The following RASAL2 variants were observed in gnomAD, a reference collection of about 807,000 sequenced individuals.
The protein encoded by RASAL2 is ras GTPase-activating protein nGAP.
Under a neutral mutation model 128.9 loss-of-function variants are expected in RASAL2, and 58 were observed. The observed-to-expected ratio is 0.45, with a 90% CI of 0.36 to 0.56. The LOEUF (loss-of-function observed/expected upper bound fraction) is 0.56, where lower values mean the gene tolerates loss of function less well. RASAL2 is among the 20% of genes least tolerant of loss of function. The probability of loss-of-function intolerance (pLI) is 0.00; values close to 1 mark genes in which losing one functional copy is unlikely to be tolerated. For missense variants in RASAL2, 1,360 were observed against 1,601.6 expected (o/e 0.85, Z 2.57); for synonymous variants, 561 against 580.8 (o/e 0.97, Z 0.49).
intron 1 of RASAL2, among the ~76,000 whole-genome samples, chr1:178,279,696 G>A (rs1666690800): frequency 6.6e-6 from 1 of 151,986 alleles, no homozygotes; most frequent in African/African-American, 2.4e-5. Context: ...TCTGAAAAAA[G>A]GAAGACATAA....
In RASAL2 at chr1:178,168,382, C is replaced by T. The variant is rs183290085; in HGVS notation, c.202+73688C>T. Among the ~76,000 whole-genome samples, 67 of 151,376 alleles carry T rather than the reference C, an allele frequency of 4.4e-4. 1 individual carries two copies. The East Asian group carries it at 0.013, about 29-fold the overall frequency. On this transcript the variant is annotated intron_variant, in intron 1 of 17. Transcript: ENST00000367649. ...CATATCCCCAAGAAGAAAAGTTTAT[C>T]AGAAATATTACTACTATAAATCTTT...
At chr1:178,258,884 A>G (rs977401485) in intron 1 of RASAL2, among the ~76,000 whole-genome samples, 3 of 152,196 alleles carry the variant, frequency 2.0e-5, no homozygotes, top group African/African-American at 7.2e-5. Flanking sequence ...TGAATGTATA[A>G]ATAAAATGTA....
chr1:178,428,120 C>T (rs1253273208), intron 5 of RASAL2, among the ~76,000 whole-genome samples: 2 of 150,664 alleles, frequency 1.3e-5, no homozygotes, highest in African/African-American at 4.9e-5. Context: ...TTTGTTTCTT[C>T]GGTTGCTGAG....
chr1:178,435,474 A>G (rs1676198217), intron 5 of RASAL2, among the ~76,000 whole-genome samples: 1 of 152,090 alleles, frequency 6.6e-6, no homozygotes, highest in East Asian at 1.9e-4. Context: ...GATTTCATAT[A>G]GGGATGAGGA....
chr1:178,118,175 A>AAT (rs1221341919), intron 1 of RASAL2, among the ~76,000 whole-genome samples: 2 of 150,778 alleles, frequency 1.3e-5, no homozygotes, highest in African/African-American at 4.9e-5. Flanking sequence ...AAAAAAAAAA[A>AAT]AGATATATAT....
At chr1:178,428,464 T>G (rs1330203228) in intron 5 of RASAL2, among the ~76,000 whole-genome samples, 1 of 127,006 alleles carries the variant, frequency 7.9e-6, no homozygotes, top group Admixed American at 8.2e-5. Flanking sequence ...AGAAGTTTTA[T>G]GATTTTAGCT....
intron 1 of RASAL2, among the ~76,000 whole-genome samples, chr1:178,253,124 C>T (rs377116802): frequency 3.9e-5 from 6 of 152,102 alleles, no homozygotes; most frequent in African/African-American, 1.4e-4. Flanking sequence ...ATGCCTCTCT[C>T]CTTGTTTCTG....
At chr1:178,470,034 T>C (rs1000390702) in intron 17 of RASAL2, among the ~76,000 whole-genome samples, 7 of 152,240 alleles carry the variant, frequency 4.6e-5, no homozygotes, top group Admixed American at 1.3e-4. Context: ...GGCTTACTGA[T>C]ACATTAAAAT....
At chr1:178,097,700 G>A (rs1658742899) in intron 1 of RASAL2, among the ~76,000 whole-genome samples, 1 of 152,000 alleles carries the variant, frequency 6.6e-6, no homozygotes, top group South Asian at 2.1e-4. Context: ...ATCATGATGG[G>A]AACAAACAAC....
chr1:178,242,473 CTCTCTCTCTTTCATCTCTCTCTCTTG>C (rs1664556715), intron 1 of RASAL2, among the ~76,000 whole-genome samples: 2 of 95,250 alleles, frequency 2.1e-5, no homozygotes, highest in Non-Finnish European at 4.3e-5. Flanking sequence ...CTCTCTCTCT[CTCTCTCTCTTTCATCTCTCTCTCTTG>C]TCTCTCTCTC....
At chr1:178,215,224 G>T (rs1345081368) in intron 1 of RASAL2, among the ~76,000 whole-genome samples, 1 of 152,166 alleles carries the variant, frequency 6.6e-6, no homozygotes, top group Non-Finnish European at 1.5e-5. Context: ...CTTGACTCTG[G>T]TCATGTAGCT....
intron 1 of RASAL2, among the ~76,000 whole-genome samples, chr1:178,217,267 G>A (rs745364935): frequency 4.6e-5 from 7 of 152,060 alleles, no homozygotes; most frequent in Non-Finnish European, 8.8e-5. Flanking sequence ...GAGCCACTGC[G>A]CCCAGCCAAG....
At chr1:178,263,938 G>A (rs917897293) in intron 1 of RASAL2, among the ~76,000 whole-genome samples, 1 of 152,146 alleles carries the variant, frequency 6.6e-6, no homozygotes, top group Non-Finnish European at 1.5e-5. Context: ...TTCTAGCAGA[G>A]GTCAGCGTGT....
chr1:178,360,405 TC>T (rs1384211320), intron 3 of RASAL2, among the ~76,000 whole-genome samples: 1 of 152,218 alleles, frequency 6.6e-6, no homozygotes, highest in African/African-American at 2.4e-5. Flanking sequence ...CTGCGTGTGT[TC>T]CAGTGCTGGT....
chr1:178,468,127 G>A (rs1310109159), intron 17 of RASAL2, among the ~76,000 whole-genome samples: 1 of 152,230 alleles, frequency 6.6e-6, no homozygotes, highest in African/African-American at 2.4e-5. Context: ...GCAAAATCCA[G>A]GAGGCAAGAA....
At chr1:178,140,555 G>A (rs1298241854) in intron 1 of RASAL2, among the ~76,000 whole-genome samples, 2 of 152,076 alleles carry the variant, frequency 1.3e-5, no homozygotes, top group African/African-American at 4.8e-5. Context: ...TTTCCAGAAT[G>A]TCACATGGTT....
intron 4 of RASAL2, among the ~76,000 whole-genome samples, chr1:178,394,032 A>G (rs1040082882): frequency 1.1e-4 from 17 of 152,190 alleles, no homozygotes; most frequent in Non-Finnish European, 4.4e-5. Context: ...GATTTTAATT[A>G]ATATTTGAAA....
intron 1 of RASAL2, among the ~76,000 whole-genome samples, chr1:178,187,449 A>G (rs1469554326): frequency 6.6e-6 from 1 of 152,074 alleles, no homozygotes; most frequent in African/African-American, 2.4e-5. Context: ...TAGCTGTTTT[A>G]TAGTCTTTCC....
At position 178,245,455 on chromosome 1, in the gene RASAL2, T is replaced by C. The variant is rs549506234; in HGVS notation, c.203-38109T>C. Among the ~76,000 whole-genome samples, 12 of 152,326 alleles carry C rather than the reference T, an allele frequency of 7.9e-5. No homozygotes were observed. In the South Asian group the frequency reaches 2.5e-3, roughly 32 times the overall value. Reference sequence around the variant, plus strand: ...TTCTTGTAAATTTGTTTAAGTTCCTTGTAGATTCTGGGTATCAGTTCTTTG... The same window carrying C: ...TTCTTGTAAATTTGTTTAAGTTCCTCGTAGATTCTGGGTATCAGTTCTTTG... On this transcript the variant is annotated intron_variant, in intron 1 of 17. Transcript: ENST00000367649.
Sources: allele counts gnomAD v4.1 joint callset (sites outside exome capture counted in the v4.1 genomes callset), GRCh38; gene constraint gnomAD v4.1.1; transcripts MANE v1.5; gene names NCBI Gene and HGNC (gene_info 2026-07-23, HGNC 2026-07-21).